MGLL: variants seen among roughly 807,000 people sequenced by gnomAD.
The protein encoded by MGLL is monoglyceride lipase.
In MGLL, 7 loss-of-function variants were observed where a neutral mutation model predicts 29.1. That is an observed-to-expected ratio of 0.24 (90% CI 0.14 to 0.45). The LOEUF is 0.45. MGLL is among the 20% of genes least tolerant of loss of function. The pLI is 0.99. For missense variants in MGLL, 356 were observed against 413.6 expected (o/e 0.86, Z 1.21); for synonymous variants, 148 against 168.3 (o/e 0.88, Z 0.93).
intron 5 of MGLL, chr3:127,715,599 G>A: frequency 2.2e-6 from 1 of 447,280 alleles, no homozygotes; most frequent in Non-Finnish European, 4.5e-6. Context: ...AAGGAGGAAA[G>A]GGTAGGATGG....
chr3:127,798,814 G>A (rs1410203173), intron 2 of MGLL, among the ~76,000 whole-genome samples: 1 of 152,202 alleles, frequency 6.6e-6, no homozygotes, highest in Non-Finnish European at 1.5e-5. Flanking sequence ...CCTATCAGTA[G>A]GAGGCTGGGC....
intron 3 of MGLL, among the ~76,000 whole-genome samples, chr3:127,760,822 G>A (rs531868979): frequency 4.6e-4 from 70 of 152,362 alleles, no homozygotes; most frequent in Non-Finnish European, 7.9e-4. Context: ...CCTAATGACT[G>A]TGAGCTTGAA....
At chr3:127,812,762 C>A (rs965086626) in intron 2 of MGLL, among the ~76,000 whole-genome samples, 1 of 152,190 alleles carries the variant, frequency 6.6e-6, no homozygotes, top group Non-Finnish European at 1.5e-5. Context: ...CCTGCACCAG[C>A]CATGTGGGAA....
At chr3:127,817,464 G>A (rs760467794) in intron 2 of MGLL, among the ~76,000 whole-genome samples, 4 of 152,206 alleles carry the variant, frequency 2.6e-5, no homozygotes, top group Non-Finnish European at 5.9e-5. Context: ...CCGGTGGATG[G>A]ACTAGCACTG....
At chr3:127,796,993 G>T (rs2077393250) in intron 2 of MGLL, among the ~76,000 whole-genome samples, 1 of 152,134 alleles carries the variant, frequency 6.6e-6, no homozygotes, top group Non-Finnish European at 1.5e-5. Flanking sequence ...CTGCTAAGCT[G>T]AGAGGTTCTG....
intron 6 of MGLL, among the ~76,000 whole-genome samples, chr3:127,700,137 C>A (rs966577871): frequency 2.0e-5 from 3 of 152,246 alleles, no homozygotes. Flanking sequence ...ACTCGGATAG[C>A]CTTCTCTGGC....
chr3:127,787,570 G>A (rs1247795100), intron 2 of MGLL, among the ~76,000 whole-genome samples: 15 of 152,240 alleles, frequency 9.9e-5, no homozygotes. Context: ...GAAATGTATG[G>A]TCAGAGGGAT....
At chr3:127,769,505 C>T (rs757635703) in intron 3 of MGLL, among the ~76,000 whole-genome samples, 11 of 152,238 alleles carry the variant, frequency 7.2e-5, no homozygotes, top group Admixed American at 2.0e-4. Flanking sequence ...AACCCTGTGA[C>T]GGAGGTAGTG....
chr3:127,786,830 C>G (rs914069359), intron 2 of MGLL, among the ~76,000 whole-genome samples: 1 of 152,166 alleles, frequency 6.6e-6, no homozygotes, highest in Non-Finnish European at 1.5e-5. Flanking sequence ...CTAATGAAAG[C>G]CCCCCATCGC....
At chr3:127,801,033 G>A (rs2077469501) in intron 2 of MGLL, among the ~76,000 whole-genome samples, 1 of 152,376 alleles carries the variant, frequency 6.6e-6, no homozygotes, top group Admixed American at 6.5e-5. Flanking sequence ...CAGGTGCGGT[G>A]GCTCACGCCT....
At chr3:127,817,984 G>C (rs1043078034) in intron 2 of MGLL, among the ~76,000 whole-genome samples, 1 of 152,110 alleles carries the variant, frequency 6.6e-6, no homozygotes, top group African/African-American at 2.4e-5. Context: ...TTTTTGAGAT[G>C]GAGTCTTGCT....
intron 3 of MGLL, among the ~76,000 whole-genome samples, chr3:127,736,673 CTTG>C (rs2076247913): frequency 6.6e-6 from 1 of 152,214 alleles, no homozygotes; most frequent in Non-Finnish European, 1.5e-5. Context: ...TGCTACTCCT[CTTG>C]TTTGTTTATT....
chr3:127,808,417 AG>A (rs1202613129), intron 2 of MGLL, among the ~76,000 whole-genome samples: 1 of 152,186 alleles, frequency 6.6e-6, no homozygotes, highest in East Asian at 1.9e-4. Context: ...AGAGGAGAAA[AG>A]TGACAGTTTC....
chr3:127,719,105 G>T (rs780932827), intron 5 of MGLL, among the ~76,000 whole-genome samples: 3 of 152,200 alleles, frequency 2.0e-5, no homozygotes, highest in Non-Finnish European at 4.4e-5. Context: ...AGCTGGCTCC[G>T]AATGTCACAA....
At chr3:127,728,664 A>T (rs1485072382) in intron 3 of MGLL, among the ~76,000 whole-genome samples, 3 of 152,212 alleles carry the variant, frequency 2.0e-5, no homozygotes, top group Admixed American at 6.5e-5. Flanking sequence ...CTTATTTATT[A>T]AACAGTTGGC....
chr3:127,743,537 A>G (rs916954679), intron 3 of MGLL, among the ~76,000 whole-genome samples: 15 of 139,384 alleles, frequency 1.1e-4, no homozygotes, highest in Non-Finnish European at 1.7e-4. Context: ...CTACAAAACT[A>G]TGTTTGGCCA....
chr3:127,785,919 A>T (rs1187147543), intron 2 of MGLL, among the ~76,000 whole-genome samples: 3 of 152,154 alleles, frequency 2.0e-5, no homozygotes, highest in Non-Finnish European at 2.9e-5. Flanking sequence ...GGGGAGCCCG[A>T]CCTAGACTCC....
intron 6 of MGLL, among the ~76,000 whole-genome samples, chr3:127,706,034 G>T (rs543778250): frequency 6.6e-6 from 1 of 152,146 alleles, no homozygotes; most frequent in Non-Finnish European, 1.5e-5. Flanking sequence ...GAAAATGGCA[G>T]CATGGTTCCT....
At chr3:127,752,231 G>A (rs2076572790) in intron 3 of MGLL, among the ~76,000 whole-genome samples, 1 of 152,026 alleles carries the variant, frequency 6.6e-6, no homozygotes. Context: ...CAAGTAGCTG[G>A]GATTGCAGGC....
Sources: gnomAD v4.1 joint callset for allele counts (sites outside exome capture counted in the v4.1 genomes callset) on GRCh38, gnomAD v4.1.1 for gene constraint, MANE v1.5 for transcripts, NCBI Gene and HGNC (gene_info 2026-07-23, HGNC 2026-07-21) for gene names.